The following FRY variants were observed in gnomAD, a reference collection of about 807,000 sequenced individuals.
The protein encoded by FRY is protein furry homolog.
In FRY, 128 loss-of-function variants were observed where a neutral mutation model predicts 348.4. That is an observed-to-expected ratio of 0.37 (90% CI 0.32 to 0.43). The LOEUF is 0.43. Ranked by LOEUF, FRY falls within the 20% of genes least tolerant of loss-of-function variation. FRY has a pLI of 1.00. For synonymous variants in FRY, 1,370 were observed against 1,374.7 expected (o/e 1.00, Z 0.08); for missense variants, 2,736 against 3,695.2 (o/e 0.74, Z 6.73).
chr13:32,176,845 T>G (rs1593699967), intron 20 of FRY, among the ~76,000 whole-genome samples: 1 of 152,322 alleles, frequency 6.6e-6, no homozygotes, highest in Non-Finnish European at 1.5e-5. Context: ...AGCTGTTACT[T>G]CATGTAATTC....
intron 17 of FRY, among the ~76,000 whole-genome samples, chr13:32,165,208 T>C (rs1469963569): frequency 6.6e-6 from 1 of 152,216 alleles, no homozygotes; most frequent in South Asian, 2.1e-4. Flanking sequence ...TGTTTCCTTA[T>C]TATTTGTAGA....
At chr13:32,184,836 TC>T in intron 25 of FRY, 139 bp from the exon 26 acceptor site, 2 of 1,005,250 alleles carry the variant, frequency 2.0e-6, no homozygotes, top group Non-Finnish European at 3.1e-6. Flanking sequence ...TTTTCTTTTT[TC>T]ATATTTTCTT....
intron 3 of FRY, among the ~76,000 whole-genome samples, chr13:32,114,879 C>A (rs1340356409): frequency 6.6e-6 from 1 of 152,178 alleles, no homozygotes; most frequent in African/African-American, 2.4e-5. Context: ...ACTGCTGTTA[C>A]ATTCATGACC....
chr13:32,170,975 A>C, intron 17 of FRY, 37 bp from the exon 18 acceptor site: 1 of 1,468,136 alleles, frequency 6.8e-7, no homozygotes, highest in African/African-American at 1.4e-5. Flanking sequence ...CCAGTTAATA[A>C]AGTAAATGAT....
At chr13:32,243,612 G>A (rs1394725433) in intron 46 of FRY, among the ~76,000 whole-genome samples, 1 of 152,130 alleles carries the variant, frequency 6.6e-6, no homozygotes, top group Non-Finnish European at 1.5e-5. Context: ...ATAACTGACA[G>A]ATTTTATCTT....
At chr13:32,160,132 A>G (rs1484666018) in intron 16 of FRY, among the ~76,000 whole-genome samples, 1 of 152,224 alleles carries the variant, frequency 6.6e-6, no homozygotes, top group East Asian at 1.9e-4. Flanking sequence ...CTGCTTGATT[A>G]TGATCTTTAG....
chr13:32,275,315 G>T (rs747184003), intron 56 of FRY, among the ~76,000 whole-genome samples: 6 of 151,232 alleles, frequency 4.0e-5, no homozygotes, highest in Non-Finnish European at 7.4e-5. Context: ...ATGACCCCGG[G>T]GGGCAGAGCT....
At chr13:32,198,754 TAGTTCCCC>T (rs1883837146) in intron 29 of FRY, among the ~76,000 whole-genome samples, 1 of 152,184 alleles carries the variant, frequency 6.6e-6, no homozygotes, top group Admixed American at 6.5e-5. Context: ...CATCTGGCGG[TAGTTCCCC>T]AGTTTTTCAT....
In FRY at chr13:32,231,213, A is replaced by C. The variant is rs1490230877; in HGVS notation, c.5440A>C (p.Thr1814Pro). 6.2e-7 allele frequency: 1 copy of C among 1,612,368 alleles called. No individual in the cohort carries two copies. Among genetic ancestry groups the C allele is most frequent in the Non-Finnish European group, 8.5e-7 (1 of 1,178,458 alleles). The change falls in exon 41 of 61, where the codon ACA becomes CCA. Residue 1814 changes from threonine to proline, a missense_variant. Thr to Pro is a conservative substitution (Grantham distance 38). This residue lies in a region of FRY where 794 missense variants were observed against 977.0 expected (regional missense o/e 0.81). Coordinates refer to ENST00000542859, the MANE Select transcript of FRY (RefSeq NM_023037.3). The part of the protein sequence containing the change: ...FGPLWCHEDI[T>P]PKNQNSKSAE... Reference sequence around the variant, plus strand: ...TCCACTTTGGTGCCATGAAGACATCACACCTAAAAATCAAAATTCAAAGAG... The same window carrying C: ...TCCACTTTGGTGCCATGAAGACATCCCACCTAAAAATCAAAATTCAAAGAG...
intron 29 of FRY, among the ~76,000 whole-genome samples, chr13:32,194,634 A>G (rs933411565): frequency 2.6e-5 from 4 of 152,220 alleles, no homozygotes; most frequent in Admixed American, 1.3e-4. Context: ...ACGAGGGTGA[A>G]CTATAGCCCA....
intron 46 of FRY, among the ~76,000 whole-genome samples, chr13:32,240,728 G>A (rs962599360): frequency 1.3e-5 from 2 of 152,218 alleles, no homozygotes; most frequent in Non-Finnish European, 2.9e-5. Flanking sequence ...AGCATTTTCA[G>A]TGTTGCTTTT....
At chr13:32,292,442 T>C (rs1013852700) in intron 59 of FRY, among the ~76,000 whole-genome samples, 31 of 152,146 alleles carry the variant, frequency 2.0e-4, no homozygotes, top group African/African-American at 7.5e-4. Flanking sequence ...TTCCAAGGTG[T>C]ATAAAATGCT....
In FRY at chr13:32,274,834, C is replaced by T; in HGVS notation, c.8137-8C>T. On this transcript the variant is annotated splice_region_variant and splice_polypyrimidine_tract_variant and intron_variant, in intron 55 of 60. Coordinates refer to ENST00000542859, the MANE Select transcript of FRY (RefSeq NM_023037.3). Reference sequence around the variant, plus strand: ...ACCTTTACAAATGGTCACTATTTTGCCTTGCAGAATATTCAGAAAAGGTTC... The same window carrying T: ...ACCTTTACAAATGGTCACTATTTTGTCTTGCAGAATATTCAGAAAAGGTTC... 1.2e-6 allele frequency: 2 copies of T among 1,610,498 alleles called. No homozygotes were observed. The highest frequency in any genetic ancestry group is 8.5e-7 in the Non-Finnish European group (1 of 1,177,008).
chr13:32,165,507 CCCT>C (rs1164731741), intron 17 of FRY, among the ~76,000 whole-genome samples: 3 of 140,438 alleles, frequency 2.1e-5, no homozygotes, highest in Non-Finnish European at 4.6e-5. Flanking sequence ...TGGTGAACTA[CCCT>C]GGTGGTGAAC....
intron 44 of FRY, 92 bp downstream of exon 44, chr13:32,238,078 A>T (rs1455146470): frequency 3.6e-6 from 5 of 1,404,712 alleles, no homozygotes; most frequent in Non-Finnish European, 5.0e-6. Flanking sequence ...ACTGCTTTTA[A>T]CAATTCTGCT....
At chr13:32,086,891 C>T (rs1875905652) in intron 2 of FRY, among the ~76,000 whole-genome samples, 1 of 152,104 alleles carries the variant, frequency 6.6e-6, no homozygotes, top group African/African-American at 2.4e-5. Flanking sequence ...ATTGAGGTTG[C>T]TTGAGCCTTA....
chr13:32,126,759 C>T (rs932603023), intron 7 of FRY, among the ~76,000 whole-genome samples: 54 of 152,252 alleles, frequency 3.5e-4, no homozygotes, highest in African/African-American at 1.2e-3. Context: ...ACACCAGGAC[C>T]ATTACTTTAT....
At chr13:32,262,134 A>G (rs1489392029) in intron 52 of FRY, among the ~76,000 whole-genome samples, 180 bp from the exon 53 acceptor site, 1 of 152,194 alleles carries the variant, frequency 6.6e-6, no homozygotes, top group African/African-American at 2.4e-5. Context: ...GATATGACAG[A>G]CATTTTGATG....
At chr13:32,288,025 G>C (rs1449820642) in intron 58 of FRY, 1 of 227,776 alleles carries the variant, frequency 4.4e-6, no homozygotes, top group Non-Finnish European at 8.8e-6. Flanking sequence ...TTAAGACATG[G>C]CAGTTTATTA....
Sources: gnomAD v4.1 joint callset for allele counts (sites outside exome capture counted in the v4.1 genomes callset) on GRCh38, gnomAD v4.1.1 for gene constraint, gnomAD v4.1.1 regional missense constraint, MANE v1.5 for transcripts, NCBI Gene and HGNC (gene_info 2026-07-23, HGNC 2026-07-21) for gene names.